RMDN2: variants seen among roughly 807,000 people sequenced by gnomAD.
RMDN2 encodes regulator of microtubule dynamics 2, also known as regulator of microtubule dynamics protein 2.
A neutral mutation model predicts 52.8 loss-of-function variants in RMDN2; 61 were observed. That is an observed-to-expected ratio of 1.16 (90% CI 0.94 to 1.43). RMDN2 has a LOEUF of 1.43. Among genes scored for constraint, RMDN2 ranks in the 40% most tolerant of loss-of-function variants. The pLI is 0.00. For synonymous variants in RMDN2, 180 were observed against 153.1 expected (o/e 1.18, Z -1.30); for missense variants, 592 against 475.3 (o/e 1.25, Z -2.28).
At position 37,989,695 on chromosome 2, in the gene RMDN2, AATGTAGCCAT is replaced by A. The variant is rs913426861; in HGVS notation, c.867+84_867+93del. ...TATTTATTAATAATAAAAATGTTTTAATGTAGCCATATGTTCCATCAATGGGTATAAACCA... is the reference window on the plus strand; with the variant it reads ...TATTTATTAATAATAAAAATGTTTTAATGTTCCATCAATGGGTATAAACCA... On this transcript the variant is annotated intron_variant, in intron 6 of 10. Transcript: ENST00000354545. 12 of 964,464 alleles carry A rather than the reference AATGTAGCCAT, an allele frequency of 1.2e-5. No individual in the cohort carries two copies. In the African/African-American group the frequency reaches 1.7e-4, roughly 13 times the overall value. 59.7% of individuals were successfully genotyped at this position (964,464 alleles called of 1,614,324 possible).
At position 37,974,204 on chromosome 2, in the gene RMDN2, A is replaced by G. The variant is rs763062420; in HGVS notation, c.617A>G (p.His206Arg). The change falls in exon 3 of 11, where the codon CAC becomes CGC. Residue 206 changes from histidine (H) to arginine (R), a missense_variant. Physicochemically the swap from His to Arg is conservative, Grantham distance 29. Transcript: ENST00000354545. ...KSESFELLRDHKEKFRDEIEF... is the reference protein window; with the variant it reads ...KSESFELLRDRKEKFRDEIEF... The stretch of plus-strand genomic sequence containing the variant: ...GAGAGTTTTGAACTACTTCGTGACC[A>G]CAAAGAAAAGGTAAGAGACATAACA... 1 of 1,610,634 alleles carries G rather than the reference A, an allele frequency of 6.2e-7. No homozygotes were observed. Among genetic ancestry groups the G allele is most frequent in the Non-Finnish European group, 8.5e-7 (1 of 1,178,436 alleles).
At chr2:38,022,972 C>G (rs551388699) in intron 10 of RMDN2, among the ~76,000 whole-genome samples, 1 of 152,244 alleles carries the variant, frequency 6.6e-6, no homozygotes, top group African/African-American at 2.4e-5. Context: ...TTTCTTTGAG[C>G]CCGGGGCTGT....
chr2:37,933,250 G>A (rs895274748), intron 2 of RMDN2, among the ~76,000 whole-genome samples: 6 of 150,940 alleles, frequency 4.0e-5, no homozygotes, highest in Admixed American at 3.3e-4. Flanking sequence ...TTCCTAGATG[G>A]GATGGCGGCC....
intron 2 of RMDN2, chr2:37,950,441 T>G: frequency 6.2e-7 from 1 of 1,608,932 alleles, no homozygotes; most frequent in Non-Finnish European, 8.5e-7. Flanking sequence ...CATCACATTC[T>G]GTGTTATTGC....
chr2:38,008,694 G>T (rs56885843), intron 10 of RMDN2, among the ~76,000 whole-genome samples: 1,879 of 152,264 alleles, frequency 0.012, 41 homozygotes, highest in African/African-American at 0.043. Flanking sequence ...GGAGCATTTA[G>T]CCCATTTACA....
rs1681314689 is a variant in RMDN2, at chr2:38,046,994, A to G, written c.1714-19988A>G. Among the ~76,000 whole-genome samples, 5 of 152,198 alleles carry G rather than the reference A, an allele frequency of 3.3e-5. No homozygotes were observed. The South Asian group carries it at 1.0e-3, about 32-fold the overall frequency. ...TGAGATTCTGTCTTGAAAAAAAACA[A>G]AAAAGAGCCCAGAAGATCAGAAGAA... On this transcript the variant is annotated intron_variant, in intron 10 of 10. Transcript: ENST00000234195.
intron 10 of RMDN2, among the ~76,000 whole-genome samples, chr2:38,055,567 A>G (rs1681828045): frequency 6.6e-6 from 1 of 152,190 alleles, no homozygotes; most frequent in Non-Finnish European, 1.5e-5. Context: ...CAAGGACAAG[A>G]TCTTTGCATC....
downstream of RMDN2, among the ~76,000 whole-genome samples, chr2:38,020,662 G>A (rs975532413): frequency 2.0e-5 from 3 of 152,234 alleles, no homozygotes; most frequent in Non-Finnish European, 2.9e-5. Context: ...CAGGCCAGCG[G>A]CTGCAGAGGG....
intron 8 of RMDN2, among the ~76,000 whole-genome samples, chr2:37,999,297 A>G (rs138033766): frequency 4.5e-4 from 69 of 152,344 alleles, no homozygotes; most frequent in African/African-American, 1.6e-3. Context: ...TTCATCAATA[A>G]CATGGAGATA....
upstream of RMDN2, among the ~76,000 whole-genome samples, chr2:37,921,190 C>T (rs1469205443): frequency 2.0e-5 from 3 of 152,120 alleles, no homozygotes; most frequent in Non-Finnish European, 4.4e-5. Flanking sequence ...GAGTATTAGG[C>T]CAACCATTTT....
downstream of RMDN2, among the ~76,000 whole-genome samples, chr2:38,020,235 A>G (rs1296314262): frequency 1.3e-5 from 2 of 152,156 alleles, no homozygotes; most frequent in African/African-American, 4.8e-5. Context: ...ACAACCCACC[A>G]TAATGTAGAA....
intron 2 of RMDN2, among the ~76,000 whole-genome samples, chr2:37,956,980 T>C (rs552375669): frequency 1.3e-5 from 2 of 152,336 alleles, no homozygotes; most frequent in South Asian, 4.1e-4. Flanking sequence ...GCAAAGGACA[T>C]GAACTCATTC....
At position 37,925,437 on chromosome 2, in the gene RMDN2, G is replaced by C. The variant is rs1019364111; in HGVS notation, c.-17+12G>C. ...CGCAGTGAACACAGGTGCGTGCGCA[G>C]TCTGGGAGGGGGCTGCTCAGCCGCT... On this transcript the variant is annotated intron_variant, in intron 1 of 10. Coordinates refer to ENST00000354545, the MANE Select transcript of RMDN2 (RefSeq NM_001170791.3). 1 of 152,470 alleles carries C rather than the reference G, an allele frequency of 6.6e-6. No individual in the cohort carries two copies. Among genetic ancestry groups the C allele is most frequent in the Non-Finnish European group, 1.5e-5 (1 of 68,252 alleles). The allele number at this position is 152,470 out of a possible 1,614,324, so 9.4% of individuals were successfully genotyped here. A position where few individuals can be genotyped will look rare whatever the true frequency, so the allele number is the denominator to read the frequency against.
At chr2:37,960,895 A>G (rs1670134808) in intron 2 of RMDN2, among the ~76,000 whole-genome samples, 1 of 152,198 alleles carries the variant, frequency 6.6e-6, no homozygotes, top group African/African-American at 2.4e-5. Context: ...GTGGTTACCA[A>G]ATCCCTCAGC....
chr2:38,038,543 C>T (rs988476983), intron 10 of RMDN2, among the ~76,000 whole-genome samples: 1 of 152,186 alleles, frequency 6.6e-6, no homozygotes, highest in African/African-American at 2.4e-5. Flanking sequence ...GAGCCAGCTG[C>T]GCCTGGAGCT....
intron 4 of RMDN2, among the ~76,000 whole-genome samples, chr2:37,977,639 G>A (rs1400169259): frequency 2.0e-5 from 3 of 151,908 alleles, no homozygotes; most frequent in African/African-American, 7.3e-5. Flanking sequence ...TCACCTCCCA[G>A]ACGGGGTGCC....
chr2:38,008,605 C>A (rs1236339389), intron 10 of RMDN2, among the ~76,000 whole-genome samples: 1 of 152,156 alleles, frequency 6.6e-6, no homozygotes, highest in African/African-American at 2.4e-5. Flanking sequence ...TGTGTCTCTG[C>A]ACGTGAGATG....
At chr2:37,949,518 C>G (rs1035489948) in intron 2 of RMDN2, among the ~76,000 whole-genome samples, 40 of 152,180 alleles carry the variant, frequency 2.6e-4, no homozygotes, top group African/African-American at 9.2e-4. Context: ...TCTTCTGTCT[C>G]TAACCCACGA....
chr2:37,999,255 C>T (rs1675988306), intron 8 of RMDN2, among the ~76,000 whole-genome samples: 1 of 152,148 alleles, frequency 6.6e-6, no homozygotes, highest in Non-Finnish European at 1.5e-5. Context: ...AGCTGATTAA[C>T]ACTGCGCAAA....
Sources: gnomAD v4.1 joint callset for allele counts (sites outside exome capture counted in the v4.1 genomes callset) on GRCh38, gnomAD v4.1.1 for gene constraint, MANE v1.5 for transcripts, NCBI Gene and HGNC (gene_info 2026-07-23, HGNC 2026-07-21) for gene names.